Variants in VCL observed in about 807,000 individuals in gnomAD.
VCL encodes the protein epididymis luminal protein 114.
In VCL, 47 loss-of-function variants were observed where a neutral mutation model predicts 125.7. The observed-to-expected ratio is 0.37, with a 90% CI of 0.30 to 0.48. The LOEUF (loss-of-function observed/expected upper bound fraction) is 0.48, where lower values mean the gene tolerates loss of function less well. Among genes scored for constraint, VCL ranks in the 20% least tolerant of loss-of-function variants. The probability of loss-of-function intolerance (pLI) is 0.99; values close to 1 mark genes in which losing one functional copy is unlikely to be tolerated. For synonymous variants in VCL, 458 were observed against 514.6 expected (o/e 0.89, Z 1.49); for missense variants, 1,069 against 1,455.5 (o/e 0.73, Z 4.32).
chr10:74,058,876 T>G (rs1397841050), intron 2 of VCL, among the ~76,000 whole-genome samples: 22 of 144,342 alleles, frequency 1.5e-4, no homozygotes, highest in Non-Finnish European at 1.6e-4. Context: ...GTGCATGTTA[T>G]TTCTCACAGA....
intron 1 of VCL, among the ~76,000 whole-genome samples, chr10:74,009,186 A>G (rs962608789): frequency 1.4e-5 from 2 of 141,746 alleles, no homozygotes; most frequent in African/African-American, 5.4e-5. Context: ...AGGTGAAATA[A>G]TTTTCAAATT....
At chr10:74,052,221 C>T (rs543145738) in intron 2 of VCL, among the ~76,000 whole-genome samples, 1 of 152,154 alleles carries the variant, frequency 6.6e-6, no homozygotes, top group East Asian at 1.9e-4. Flanking sequence ...CTATGTGGTC[C>T]AGTGTCCACG....
chr10:74,088,381 A>G (rs1839821982), intron 8 of VCL, among the ~76,000 whole-genome samples: 1 of 152,168 alleles, frequency 6.6e-6, no homozygotes. Context: ...TTGATGGGAA[A>G]CAGTGGTTTC....
rs777477698 is a variant in VCL at position 74,002,880 on chromosome 10, CAAAA to C, written c.168+4519_168+4522del. 6.1e-4 allele frequency among the ~76,000 whole-genome samples: 41 copies of C among 66,790 alleles called. No homozygotes were observed. The East Asian group carries it at 8.6e-3, about 14-fold the overall frequency. The allele number at this position is 66,790 out of a possible 152,430, so 43.8% of individuals were successfully genotyped here. Reference sequence around the variant, plus strand: ...CTGGTGACAAAGGAAGACTCTGTCTCAAAAAAAAAAAAAAAAAGAAAGACATTAC... The same window carrying C: ...CTGGTGACAAAGGAAGACTCTGTCTCAAAAAAAAAAAAAGAAAGACATTAC... On this transcript the variant is annotated intron_variant, in intron 1 of 21. Coordinates refer to ENST00000211998, the MANE Select transcript of VCL (RefSeq NM_014000.3).
intron 1 of VCL, among the ~76,000 whole-genome samples, chr10:73,999,596 T>C (rs1391395675): frequency 1.3e-5 from 2 of 152,128 alleles, no homozygotes; most frequent in Non-Finnish European, 2.9e-5. Flanking sequence ...TGTGGGTCTG[T>C]CTGGGTGGGG....
intron 5 of VCL, among the ~76,000 whole-genome samples, 194 bp from the exon 6 acceptor site, chr10:74,074,543 GTTTTCT>G (rs1166622027): frequency 2.0e-5 from 3 of 152,154 alleles, no homozygotes; most frequent in African/African-American, 7.2e-5. Flanking sequence ...TGTACCTTGA[GTTTTCT>G]TTTTCTTTTT....
At chr10:74,038,571 C>T (rs2136245647) in intron 1 of VCL, among the ~76,000 whole-genome samples, 1 of 152,306 alleles carries the variant, frequency 6.6e-6, no homozygotes, top group Admixed American at 6.5e-5. Context: ...ATGAATGCAG[C>T]TTAGAATAAC....
intron 8 of VCL, among the ~76,000 whole-genome samples, chr10:74,087,339 CTTTTTT>C (rs553757805): frequency 8.3e-6 from 1 of 120,378 alleles, no homozygotes; most frequent in Non-Finnish European, 1.7e-5. Context: ...TTAGGTTTTT[CTTTTTT>C]TTTTTTTTTT....
At chr10:74,042,161 T>C in intron 1 of VCL, among the ~76,000 whole-genome samples, 1 of 152,224 alleles carries the variant, frequency 6.6e-6, no homozygotes, top group East Asian at 1.9e-4. Context: ...AAGTGAAATA[T>C]AATGTCATAA....
At chr10:74,061,280 A>G (rs1388358966) in intron 2 of VCL, among the ~76,000 whole-genome samples, 1 of 152,284 alleles carries the variant, frequency 6.6e-6, no homozygotes, top group Middle Eastern at 3.4e-3. Context: ...TTTGGCTTTT[A>G]TGAATGCCAT....
At chr10:74,085,997 A>C (rs1160879433) in intron 8 of VCL, among the ~76,000 whole-genome samples, 1 of 152,052 alleles carries the variant, frequency 6.6e-6, no homozygotes, top group East Asian at 1.9e-4. Flanking sequence ...CCTCTTGAGT[A>C]CCTGGGATTA....
intron 1 of VCL, among the ~76,000 whole-genome samples, chr10:74,008,453 G>A (rs1325469808): frequency 6.6e-6 from 1 of 152,154 alleles, no homozygotes; most frequent in Non-Finnish European, 1.5e-5. Context: ...TTGGGATTTT[G>A]CATTCTCTTC....
chr10:74,101,896 G>A lies in VCL; in HGVS notation c.2022+799G>A, dbSNP rs757294305. On this transcript the variant is annotated intron_variant, in intron 14 of 21. Transcript: ENST00000211998. ...TTTTTTTTTTGAGGGACAGAGTTTCGCTCTTGTCACCCAGGCTGGAGTCCA... is the reference window on the plus strand; with the variant it reads ...TTTTTTTTTTGAGGGACAGAGTTTCACTCTTGTCACCCAGGCTGGAGTCCA... Among the ~76,000 whole-genome samples, 14 of 141,478 alleles carry A rather than the reference G, an allele frequency of 9.9e-5. 1 individual carries two copies. The highest frequency in any genetic ancestry group is 7.8e-3 in the Middle Eastern group (2 of 256). 92.8% of individuals were successfully genotyped at this position (141,478 alleles called of 152,430 possible).
chr10:74,093,327 A>G (rs1007575878), intron 10 of VCL, among the ~76,000 whole-genome samples: 2 of 152,004 alleles, frequency 1.3e-5, no homozygotes, highest in Non-Finnish European at 2.9e-5. Flanking sequence ...AAGTGTGGCG[A>G]CTCTGAAGTC....
chr10:74,010,155 C>T (rs1002707942), intron 1 of VCL, among the ~76,000 whole-genome samples: 3 of 152,034 alleles, frequency 2.0e-5, no homozygotes, highest in African/African-American at 7.3e-5. Context: ...AAACTCCTGA[C>T]TTCAAGTGAT....
intron 1 of VCL, 75 bp downstream of exon 1, chr10:73,998,450 T>C: frequency 7.8e-7 from 1 of 1,280,460 alleles, no homozygotes; most frequent in Non-Finnish European, 9.9e-7. Flanking sequence ...CGCGGCTGCC[T>C]GTGGCCGGCT....
chr10:74,072,761 G>A lies in VCL; in HGVS notation c.531G>A (p.Glu177=). The A allele has an allele frequency of 6.2e-7, 1 of 1,614,044 alleles. No individual in the cohort carries two copies. Among genetic ancestry groups the A allele is most frequent in the South Asian group, 1.1e-5 (1 of 91,080 alleles). Residue 177 remains glutamate, a synonymous_variant, in exon 5 of 22, where the codon GAG becomes GAA. Transcript: ENST00000211998. The stretch of plus-strand genomic sequence containing the variant: ...CTAAGATGGCCAAGATGATTGACGA[G>A]AGACAGCAGGAGCTCACTCACCAGG... ...GMTKMAKMID[E]RQQELTHQEH...
chr10:74,021,048 G>A (rs1445950015), intron 1 of VCL, among the ~76,000 whole-genome samples: 1 of 152,014 alleles, frequency 6.6e-6, no homozygotes, highest in African/African-American at 2.4e-5. Context: ...GGAAATAAGA[G>A]AAATAAGTTC....
rs141656654 is a variant in VCL, at chr10:74,106,682, A to G, written c.2435-548A>G. Reference sequence around the variant, plus strand: ...ATCTTTCTAATATCCAAAACCCATTATCACTAAGGACATGCTTGGTTTCCT... The same window carrying G: ...ATCTTTCTAATATCCAAAACCCATTGTCACTAAGGACATGCTTGGTTTCCT... On this transcript the variant is annotated intron_variant, in intron 16 of 21. Transcript: ENST00000211998. Among the ~76,000 whole-genome samples the G allele has an allele frequency of 4.0e-4, 61 of 152,354 alleles. 1 individual carries two copies. Among genetic ancestry groups the G allele is most frequent in the African/African-American group, 1.4e-3 (58 of 41,590 alleles).
Sources: allele counts gnomAD v4.1 joint callset (sites outside exome capture counted in the v4.1 genomes callset), GRCh38; gene constraint gnomAD v4.1.1; transcripts MANE v1.5; gene names NCBI Gene and HGNC (gene_info 2026-07-23, HGNC 2026-07-21).